Variants in PPP2R3B observed in about 807,000 individuals in gnomAD.
PPP2R3B encodes the protein protein phosphatase 2 regulatory subunit B''beta, also known as serine/threonine-protein phosphatase 2A regulatory subunit B'' subunit beta.
PPP2R3B carries 68 observed loss-of-function variants against 72.9 expected under a neutral mutation model. The ratio of observed to expected loss-of-function variants is 0.93; its 90% CI spans 0.77 to 1.14. PPP2R3B has a LOEUF of 1.14. PPP2R3B is among the 50% of genes most tolerant of loss of function. The pLI is 0.00. For synonymous variants in PPP2R3B, 466 were observed against 375.8 expected (o/e 1.24, Z -2.78); for missense variants, 1,018 against 842.0 (o/e 1.21, Z -2.59).
intron 2 of PPP2R3B, among the ~76,000 whole-genome samples, chrX:348,438 T>G (rs1167713244): frequency 6.6e-6 from 1 of 151,764 alleles, no homozygotes; most frequent in Non-Finnish European, 1.5e-5. Context: ...TAGCCTGGCA[T>G]GGTGGCGGGC....
At chrX:380,598 C>G (rs1258888621) in intron 1 of PPP2R3B, among the ~76,000 whole-genome samples, 1 of 151,858 alleles carries the variant, frequency 6.6e-6, no homozygotes. Context: ...CCAGCCTGAC[C>G]AACATAGTGA....
chrX:353,310 G>A (rs1308906304), intron 2 of PPP2R3B, among the ~76,000 whole-genome samples: 1 of 152,030 alleles, frequency 6.6e-6, no homozygotes, highest in African/African-American at 2.4e-5. Flanking sequence ...GGAGGCGGAG[G>A]TTGCAGTGAG....
At chrX:335,999 C>A (rs1453122616) in intron 12 of PPP2R3B, 2 of 152,064 alleles carry the variant, frequency 1.3e-5, no homozygotes, top group Admixed American at 1.3e-4. Context: ...AACCCCATCT[C>A]TACAAAAAAA....
intron 2 of PPP2R3B, chrX:359,756 A>G (rs1254063451): frequency 8.6e-6 from 4 of 463,500 alleles, no homozygotes; most frequent in Non-Finnish European, 1.3e-5. Flanking sequence ...GTATGTTCAT[A>G]CTCATACACA....
intron 1 of PPP2R3B, among the ~76,000 whole-genome samples, chrX:381,739 C>G (rs971059869): frequency 2.6e-5 from 4 of 151,696 alleles, no homozygotes; most frequent in African/African-American, 9.7e-5. Flanking sequence ...GCTGGGACTA[C>G]AGGCACCCGC....
chrX:361,197 C>T (rs895219483), intron 2 of PPP2R3B, among the ~76,000 whole-genome samples: 1 of 152,270 alleles, frequency 6.6e-6, no homozygotes, highest in African/African-American at 2.4e-5. Context: ...AGAATTCACA[C>T]AGCAGCAACC....
In PPP2R3B at chrX:334,291, A is replaced by G. The variant is rs1018492963; in HGVS notation, c.*76T>C. The G allele has an allele frequency of 1.6e-5, 22 of 1,384,322 alleles. No individual in the cohort carries two copies. The African/African-American group carries it at 3.1e-4, about 19-fold the overall frequency. The allele number at this position is 1,384,322 out of a possible 1,614,324, so 85.8% of individuals were successfully genotyped here. On this transcript the variant is annotated 3_prime_UTR_variant, in exon 13 of 13. Transcript: ENST00000390665. ...TACAAACGCACTCATTTTCCACAAC[A>G]GTTTTTACACGAGCCGCGGTGGCCC...
At chrX:367,713 C>T (rs2071752650) in intron 1 of PPP2R3B, among the ~76,000 whole-genome samples, 1 of 152,186 alleles carries the variant, frequency 6.6e-6, no homozygotes, top group South Asian at 2.1e-4. Context: ...GCAACATCGA[C>T]CTCAATGCAC....
chrX:365,186 C>A (rs1259075364), intron 1 of PPP2R3B, among the ~76,000 whole-genome samples: 1 of 61,922 alleles, frequency 1.6e-5, no homozygotes. Context: ...GCACTCCAGC[C>A]TGGGCGACAG....
intron 2 of PPP2R3B, 148 bp downstream of exon 2, chrX:361,257 G>T: frequency 4.8e-6 from 4 of 831,180 alleles, no homozygotes; most frequent in Non-Finnish European, 7.6e-6. Flanking sequence ...AACCTGGGCC[G>T]CTCCCGCACA....
intron 2 of PPP2R3B, chrX:347,986 C>G: frequency 2.4e-6 from 1 of 412,262 alleles, no homozygotes; most frequent in South Asian, 5.1e-5. Flanking sequence ...GGAAATCAAG[C>G]GGCACGTACT....
At chrX:359,044 G>A in intron 2 of PPP2R3B, among the ~76,000 whole-genome samples, 1 of 152,218 alleles carries the variant, frequency 6.6e-6, no homozygotes, top group South Asian at 2.1e-4. Flanking sequence ...TCCCATGCAG[G>A]AACCTCACTG....
At chrX:343,623 T>G (rs547662531) in intron 7 of PPP2R3B, among the ~76,000 whole-genome samples, 15 of 2,884 alleles carry the variant, frequency 5.2e-3, no homozygotes, top group African/African-American at 0.011. Context: ...GAGGCGGGAG[T>G]GAGACCTCGC....
At chrX:380,262 A>G (rs1267837293) in intron 1 of PPP2R3B, among the ~76,000 whole-genome samples, 1 of 152,216 alleles carries the variant, frequency 6.6e-6, no homozygotes, top group Non-Finnish European at 1.5e-5. Flanking sequence ...CACTGAAGAA[A>G]ACAAAAAGCA....
intron 8 of PPP2R3B, 32 bp from the exon 9 acceptor site, chrX:341,428 A>T (rs776776834): frequency 6.2e-7 from 1 of 1,606,602 alleles, no homozygotes; most frequent in Non-Finnish European, 8.5e-7. Context: ...AGAGACGAAG[A>T]TGCATGTCAG....
At chrX:363,402 A>C (rs867595179) in intron 1 of PPP2R3B, among the ~76,000 whole-genome samples, 272 of 5,200 alleles carry the variant, frequency 0.052, 7 homozygotes, top group South Asian at 0.11. Context: ...CCGAGCCCGC[A>C]ATCCCACAGT....
In PPP2R3B at chrX:338,808, G is replaced by T. The variant is rs139123969; in HGVS notation, c.1440C>A (p.His480Gln). 30 of 1,612,336 alleles carry T rather than the reference G, an allele frequency of 1.9e-5. No homozygotes were observed. Among genetic ancestry groups the T allele is most frequent in the Admixed American group, 3.3e-5 (2 of 59,996 alleles). Reference sequence around the variant, plus strand: ...GCAGGGAGATCTGCTCTTTCTGCTCGTGGTCGAGGTACTTCTCGATGTTGA... The same window carrying T: ...GCAGGGAGATCTGCTCTTTCTGCTCTTGGTCGAGGTACTTCTCGATGTTGA... ...TFFNIEKYLD[H>Q]EQKEQISLLR... Residue 480 changes from histidine to glutamine, a missense_variant, in exon 11 of 13, where the codon CAC becomes CAA. By Grantham distance (24) the His-to-Gln change is conservative (BLOSUM62 0). Transcript: ENST00000390665.
chrX:364,356 T>G (rs1222389265), intron 1 of PPP2R3B, among the ~76,000 whole-genome samples: 1 of 150,790 alleles, frequency 6.6e-6, no homozygotes, highest in Non-Finnish European at 1.5e-5. Context: ...CAAACCAAAC[T>G]CACGGTCACC....
chrX:354,206 G>C (rs1413351355), intron 2 of PPP2R3B, among the ~76,000 whole-genome samples: 3 of 131,816 alleles, frequency 2.3e-5, no homozygotes, highest in East Asian at 4.8e-4. Context: ...CTCACCCAGG[G>C]ACCGGGGGCT....
Sources: gnomAD v4.1 joint callset for allele counts (sites outside exome capture counted in the v4.1 genomes callset) on GRCh38, gnomAD v4.1.1 for gene constraint, MANE v1.5 for transcripts, NCBI Gene and HGNC (gene_info 2026-07-23, HGNC 2026-07-21) for gene names.